Variants in CDH12 observed in about 807,000 individuals in gnomAD.
The protein encoded by CDH12 is cadherin-12.
Under a neutral mutation model 74.1 loss-of-function variants are expected in CDH12, and 41 were observed. That is an observed-to-expected ratio of 0.55 (90% CI 0.43 to 0.72). The LOEUF is 0.72. CDH12 is among the 30% of genes least tolerant of loss of function. The pLI, the probability that CDH12 is intolerant of heterozygous loss-of-function variation, is 0.00. For synonymous variants in CDH12, 399 were observed against 355.0 expected (o/e 1.12, Z -1.39); for missense variants, 945 against 977.2 (o/e 0.97, Z 0.44).
chr5:22,294,821 A>C (rs553819233), intron 3 of CDH12, among the ~76,000 whole-genome samples: 2 of 152,148 alleles, frequency 1.3e-5, no homozygotes, highest in Non-Finnish European at 2.9e-5. Flanking sequence ...GCCTTAGAAA[A>C]TTTGCAACTA....
intron 11 of CDH12, among the ~76,000 whole-genome samples, chr5:21,775,941 G>A (rs1465198775): frequency 6.6e-5 from 10 of 151,934 alleles, no homozygotes; most frequent in Admixed American, 5.9e-4. Flanking sequence ...GGCTCCCAAC[G>A]ATCCCCACCT....
At chr5:22,213,773 A>C (rs1298755538) in intron 3 of CDH12, 1 of 152,182 alleles carries the variant, frequency 6.6e-6, no homozygotes, top group Non-Finnish European at 1.5e-5. Flanking sequence ...AGTAATTTGC[A>C]TGTCTTGAGG....
At chr5:22,102,577 G>A (rs1375587911) in intron 4 of CDH12, among the ~76,000 whole-genome samples, 2 of 152,110 alleles carry the variant, frequency 1.3e-5, no homozygotes, top group African/African-American at 2.4e-5. Context: ...GCTGAGGCAG[G>A]AGAATCGCTT....
At chr5:22,669,727 G>T (rs533110545) in intron 1 of CDH12, among the ~76,000 whole-genome samples, 26 of 152,282 alleles carry the variant, frequency 1.7e-4, no homozygotes, top group African/African-American at 6.3e-4. Flanking sequence ...TCATTTTAAT[G>T]TGTAGCCCAG....
chr5:22,153,358 C>T (rs1441717087), intron 4 of CDH12, among the ~76,000 whole-genome samples: 2 of 151,530 alleles, frequency 1.3e-5, no homozygotes, highest in Admixed American at 6.6e-5. Flanking sequence ...CCTCCCATCC[C>T]GTGTGATGTT....
At chr5:22,438,267 G>T (rs987866769) in intron 2 of CDH12, among the ~76,000 whole-genome samples, 2 of 151,880 alleles carry the variant, frequency 1.3e-5, no homozygotes, top group African/African-American at 4.8e-5. Context: ...ACAAATTATA[G>T]CATTTTGGCA....
chr5:22,288,413 A>T (rs997094862), intron 3 of CDH12, among the ~76,000 whole-genome samples: 1 of 152,108 alleles, frequency 6.6e-6, no homozygotes, highest in Non-Finnish European at 1.5e-5. Context: ...GCTTCAAAAC[A>T]TTGTCATCAT....
chr5:22,358,255 A>C (rs956970118), intron 3 of CDH12, among the ~76,000 whole-genome samples: 1 of 152,072 alleles, frequency 6.6e-6, no homozygotes, highest in African/African-American at 2.4e-5. Flanking sequence ...CTAAAAATAC[A>C]AAAATTAGTT....
chr5:22,182,940 C>CT (rs958603908), intron 4 of CDH12, among the ~76,000 whole-genome samples: 1 of 151,974 alleles, frequency 6.6e-6, no homozygotes, highest in African/African-American at 2.4e-5. Context: ...AAAGGCTGAA[C>CT]TTTAGTTGTT....
chr5:22,318,057 C>T (rs1193112720), intron 3 of CDH12, among the ~76,000 whole-genome samples: 3 of 152,186 alleles, frequency 2.0e-5, no homozygotes, highest in Non-Finnish European at 4.4e-5. Context: ...GGGGAAGAAT[C>T]ATTTGAGTTG....
Position 21,918,795 on chromosome 5 carries a change from A to G in CDH12, c.526+56296T>C, listed in dbSNP as rs982521294. Among the ~76,000 whole-genome samples the G allele has an allele frequency of 3.9e-5, 6 of 152,192 alleles. No individual in the cohort carries two copies. The East Asian group carries it at 1.2e-3, about 29-fold the overall frequency. ...TATCATTTGAAAACATTTTTGGTAT[A>G]AATTATACCATCATATTGTCATATA... On this transcript the variant is annotated intron_variant, in intron 6 of 14. Coordinates refer to ENST00000382254, the MANE Select transcript of CDH12 (RefSeq NM_004061.5).
At chr5:22,227,063 A>C in intron 3 of CDH12, among the ~76,000 whole-genome samples, 1 of 152,106 alleles carries the variant, frequency 6.6e-6, no homozygotes, top group East Asian at 1.9e-4. Context: ...ATTCCATTTT[A>C]ATTTTTGGCG....
At chr5:22,566,584 G>GC (rs1270117963) in intron 1 of CDH12, among the ~76,000 whole-genome samples, 1 of 152,052 alleles carries the variant, frequency 6.6e-6, no homozygotes, top group Non-Finnish European at 1.5e-5. Flanking sequence ...ACTTGGCTGT[G>GC]ATTGGCATAA....
chr5:22,602,771 T>C (rs190061211), intron 1 of CDH12, among the ~76,000 whole-genome samples: 25 of 152,160 alleles, frequency 1.6e-4, no homozygotes, highest in Non-Finnish European at 3.2e-4. Context: ...TATATTATAT[T>C]TGGCATTTTG....
chr5:22,055,743 T>C (rs904522732), intron 5 of CDH12, among the ~76,000 whole-genome samples: 1 of 152,036 alleles, frequency 6.6e-6, no homozygotes, highest in African/African-American at 2.4e-5. Context: ...AATAAAAACA[T>C]AATCTTTAAA....
chr5:22,653,251 G>A (rs1169631964), intron 1 of CDH12, among the ~76,000 whole-genome samples: 1 of 151,998 alleles, frequency 6.6e-6, no homozygotes, highest in African/African-American at 2.4e-5. Flanking sequence ...ACTCCTAAAT[G>A]TGGTTCCTAA....
rs543893488 is a variant in CDH12 at position 22,032,480 on chromosome 5, G to A, written c.231+45966C>T. Among the ~76,000 whole-genome samples, 23 of 152,002 alleles carry A rather than the reference G, an allele frequency of 1.5e-4. No individual in the cohort carries two copies. The South Asian group carries it at 4.6e-3, about 30-fold the overall frequency. On this transcript the variant is annotated intron_variant, in intron 5 of 14. Transcript: ENST00000382254. ...TAATCCCAGAACTTTGGAAGCTGAG[G>A]CAGGTGGATCACCTGAGGTTGGGCA...
intron 6 of CDH12, among the ~76,000 whole-genome samples, chr5:21,913,972 C>G (rs925072665): frequency 4.6e-5 from 7 of 152,142 alleles, no homozygotes; most frequent in Admixed American, 3.9e-4. Flanking sequence ...GTGTGACACA[C>G]CACACCCAGC....
At chr5:21,901,821 T>G (rs148151726) in intron 6 of CDH12, among the ~76,000 whole-genome samples, 1 of 152,188 alleles carries the variant, frequency 6.6e-6, no homozygotes, top group Admixed American at 6.6e-5. Flanking sequence ...ATATCCATCA[T>G]GAGGTTTTCC....
Sources: gnomAD v4.1 joint callset for allele counts (sites outside exome capture counted in the v4.1 genomes callset) on GRCh38, gnomAD v4.1.1 for gene constraint, MANE v1.5 for transcripts, NCBI Gene and HGNC (gene_info 2026-07-23, HGNC 2026-07-21) for gene names.